Variants in ZMAT3 observed in about 807,000 individuals in gnomAD.
ZMAT3 encodes the protein zinc finger matrin-type 3.
Under a neutral mutation model 32.3 loss-of-function variants are expected in ZMAT3, and 17 were observed. The observed-to-expected ratio is 0.53, with a 90% CI of 0.36 to 0.79. ZMAT3 has a LOEUF of 0.79. ZMAT3 is among the 30% of genes least tolerant of loss of function. The pLI is 0.00. For missense variants in ZMAT3, 329 were observed against 359.7 expected (o/e 0.91, Z 0.69); for synonymous variants, 120 against 133.1 (o/e 0.90, Z 0.68).
intron 2 of ZMAT3, among the ~76,000 whole-genome samples, chr3:179,033,934 G>A (rs1719438993): frequency 6.6e-6 from 1 of 152,140 alleles, no homozygotes; most frequent in Non-Finnish European, 1.5e-5. Flanking sequence ...TCAAAGAATG[G>A]CCCTTTTCCA....
At chr3:179,042,702 T>C (rs759050635) in intron 2 of ZMAT3, among the ~76,000 whole-genome samples, 4 of 152,266 alleles carry the variant, frequency 2.6e-5, no homozygotes, top group Non-Finnish European at 4.4e-5. Flanking sequence ...CTATTCAACA[T>C]AGTGTTGGAA....
chr3:179,064,128 C>T (rs1012840318), intron 2 of ZMAT3, among the ~76,000 whole-genome samples: 1 of 152,208 alleles, frequency 6.6e-6, no homozygotes. Context: ...TTTGAAACTC[C>T]ACGATTTCAA....
intron 2 of ZMAT3, among the ~76,000 whole-genome samples, chr3:179,057,776 A>C (rs1720926399): frequency 6.6e-6 from 1 of 152,220 alleles, no homozygotes; most frequent in Admixed American, 6.5e-5. Flanking sequence ...TAAAGCAACT[A>C]ATAGGGTTCC....
At chr3:179,034,973 G>A (rs1372502822) in intron 2 of ZMAT3, among the ~76,000 whole-genome samples, 1 of 152,174 alleles carries the variant, frequency 6.6e-6, no homozygotes, top group Non-Finnish European at 1.5e-5. Flanking sequence ...ATTTGCAGTA[G>A]GTAACAACTC....
At chr3:179,067,897 C>T in intron 1 of ZMAT3, 88 bp from the exon 2 acceptor site, 1 of 1,263,640 alleles carries the variant, frequency 7.9e-7, no homozygotes, top group South Asian at 1.6e-5. Flanking sequence ...CATAATCTGA[C>T]CCTTTCTTCT....
rs1268095431 is a variant in ZMAT3, at chr3:179,021,220, T to C, written c.*3797A>G. 1 of 152,214 alleles carries C rather than the reference T, an allele frequency of 6.6e-6. No individual in the cohort carries two copies. The highest frequency in any genetic ancestry group is 6.5e-5 in the Admixed American group (1 of 15,280). The allele number at this position is 152,214 out of a possible 1,614,324, so 9.4% of individuals were successfully genotyped here. On this transcript the variant is annotated 3_prime_UTR_variant, in exon 6 of 6. Coordinates refer to ENST00000311417, the MANE Select transcript of ZMAT3 (RefSeq NM_022470.4). Reference sequence around the variant, plus strand: ...TAAACAACATGCACATATTTACAAGTTGCAGGACATGATGCACAATGTGAA... The same window carrying C: ...TAAACAACATGCACATATTTACAAGCTGCAGGACATGATGCACAATGTGAA...
intron 5 of ZMAT3, among the ~76,000 whole-genome samples, chr3:179,025,815 G>T (rs1052524007): frequency 6.6e-6 from 1 of 152,084 alleles, no homozygotes; most frequent in Non-Finnish European, 1.5e-5. Context: ...CCCAAACTAG[G>T]ATCCCATTTC....
chr3:179,051,935 C>T (rs748634437), intron 2 of ZMAT3, among the ~76,000 whole-genome samples: 1 of 152,178 alleles, frequency 6.6e-6, no homozygotes, highest in Non-Finnish European at 1.5e-5. Context: ...GGAAAGGACA[C>T]TCTATTGAAC....
At position 179,067,601 on chromosome 3, in the gene ZMAT3, T is replaced by TC; in HGVS notation, c.151dup (p.Glu51GlyfsTer18). ...TTGCTCCCCTCCCTTCGATAACTCT[T>TC]CTTCCCCTGCAAGAGGCAAGGAAGC... is the stretch of plus-strand genomic sequence containing the variant. On this transcript the variant is annotated frameshift_variant, in exon 2 of 6. Coordinates refer to ENST00000311417, the MANE Select transcript of ZMAT3 (RefSeq NM_022470.4). LOFTEE classifies it high-confidence loss of function. The TC allele has an allele frequency of 6.2e-7, 1 of 1,614,194 alleles. No individual in the cohort carries two copies. The highest frequency in any genetic ancestry group is 8.5e-7 in the Non-Finnish European group (1 of 1,180,028).
At chr3:179,030,480 G>A (rs6794165) in intron 3 of ZMAT3, among the ~76,000 whole-genome samples, 123,432 of 151,456 alleles carry the variant, frequency 0.81, 50,683 homozygotes, top group East Asian at 0.94. Context: ...TCAGCCTCCC[G>A]AGCAGCTGGG....
At chr3:179,059,676 C>T (rs1160050440) in intron 2 of ZMAT3, among the ~76,000 whole-genome samples, 1 of 152,156 alleles carries the variant, frequency 6.6e-6, no homozygotes, top group South Asian at 2.1e-4. Context: ...CCTGCTAGCC[C>T]ATTCTCCGAT....
intron 2 of ZMAT3, among the ~76,000 whole-genome samples, chr3:179,042,228 C>A (rs2108558040): frequency 6.6e-6 from 1 of 152,238 alleles, no homozygotes; most frequent in African/African-American, 2.4e-5. Flanking sequence ...TTTTATGAGG[C>A]CAACATCATC....
intron 2 of ZMAT3, among the ~76,000 whole-genome samples, chr3:179,040,803 C>T (rs999780220): frequency 4.6e-5 from 7 of 151,744 alleles, no homozygotes; most frequent in Admixed American, 1.3e-4. Context: ...AGTCACAACC[C>T]ATCAGTGTGC....
chr3:179,058,704 C>T (rs1241097322), intron 2 of ZMAT3, among the ~76,000 whole-genome samples: 2 of 144,122 alleles, frequency 1.4e-5, no homozygotes, highest in African/African-American at 2.6e-5. Flanking sequence ...TGCAGTGAGC[C>T]GAGATCCCGC....
chr3:179,057,084 C>G (rs1415903695), intron 2 of ZMAT3, among the ~76,000 whole-genome samples: 2 of 152,162 alleles, frequency 1.3e-5, no homozygotes, highest in African/African-American at 4.8e-5. Flanking sequence ...AAAAGCAGTA[C>G]CCCCTTAGAC....
intron 2 of ZMAT3, among the ~76,000 whole-genome samples, chr3:179,040,838 T>G (rs573883542): frequency 6.6e-6 from 1 of 150,642 alleles, no homozygotes; most frequent in South Asian, 2.1e-4. Context: ...CCATCTCATG[T>G]GCAAAGACAC....
rs1349126692 is a variant in ZMAT3 at position 179,023,687 on chromosome 3, A to AAAATATAT, written c.*1322_*1329dup. 35 of 37,798 alleles carry AAAATATAT rather than the reference A, an allele frequency of 9.3e-4. No homozygotes were observed. Among genetic ancestry groups the AAAATATAT allele is most frequent in the East Asian group, 3.5e-3 (2 of 564 alleles). 2.3% of individuals were successfully genotyped at this position (37,798 alleles called of 1,614,324 possible). A position where few individuals can be genotyped will look rare whatever the true frequency, so the allele number is the denominator to read the frequency against. On this transcript the variant is annotated 3_prime_UTR_variant, in exon 6 of 6. Coordinates refer to ENST00000311417, the MANE Select transcript of ZMAT3 (RefSeq NM_022470.4). The stretch of plus-strand genomic sequence containing the variant: ...ACCTTTGTTTCCTAAAAACTGCTGG[A>AAAATATAT]AAATATATCTATATATATATATATT...
Position 179,019,151 on chromosome 3 carries a change from T to C in ZMAT3, c.*5866A>G, listed in dbSNP as rs1172978985. On this transcript the variant is annotated 3_prime_UTR_variant, in exon 6 of 6. Transcript: ENST00000311417. ...GGGAAAAGAAAAATTATATTGAAACTTTAAAATTTATGACAAGCACTTAAA... is the reference window on the plus strand; with the variant it reads ...GGGAAAAGAAAAATTATATTGAAACCTTAAAATTTATGACAAGCACTTAAA... 1 of 152,060 alleles carries C rather than the reference T, an allele frequency of 6.6e-6. No individual in the cohort carries two copies. Among genetic ancestry groups the C allele is most frequent in the Admixed American group, 6.6e-5 (1 of 15,260 alleles). The allele number at this position is 152,060 out of a possible 1,614,324, so 9.4% of individuals were successfully genotyped here.
chr3:179,071,086 A>T lies in ZMAT3; in HGVS notation c.-58+509T>A, dbSNP rs115292441. 6.4e-3 allele frequency among the ~76,000 whole-genome samples: 981 copies of T among 152,298 alleles called. 3 individuals carry two copies. Among genetic ancestry groups the T allele is most frequent in the Middle Eastern group, 0.017 (5 of 294 alleles). ...GAATGAGAGGGAGAAAAGTTAAAAAAAATAATAATAATAATCACTTGAGGC... is the reference window on the plus strand; with the variant it reads ...GAATGAGAGGGAGAAAAGTTAAAAATAATAATAATAATAATCACTTGAGGC... On this transcript the variant is annotated intron_variant, in intron 1 of 5. Transcript: ENST00000311417.
Sources: gnomAD v4.1 joint callset for allele counts (sites outside exome capture counted in the v4.1 genomes callset) on GRCh38, gnomAD v4.1.1 for gene constraint, MANE v1.5 for transcripts, NCBI Gene and HGNC (gene_info 2026-07-23, HGNC 2026-07-21) for gene names.